The following FBXL7 variants were observed in gnomAD, a reference collection of about 807,000 sequenced individuals.
FBXL7 encodes F-box and leucine rich repeat protein 7.
Under a neutral mutation model 38.3 loss-of-function variants are expected in FBXL7, and 12 were observed. The observed-to-expected ratio is 0.31, with a 90% CI of 0.20 to 0.51. The LOEUF is 0.51. FBXL7 is among the 20% of genes least tolerant of loss of function. The pLI is 0.98. For synonymous variants in FBXL7, 297 were observed against 300.9 expected (o/e 0.99, Z 0.13); for missense variants, 567 against 676.4 (o/e 0.84, Z 1.79).
At chr5:15,810,724 CTTTTA>C (rs1330059028) in intron 2 of FBXL7, among the ~76,000 whole-genome samples, 1 of 152,030 alleles carries the variant, frequency 6.6e-6, no homozygotes, top group African/African-American at 2.4e-5. Context: ...CCATATTTTT[CTTTTA>C]TAATACTTAC....
intron 2 of FBXL7, among the ~76,000 whole-genome samples, chr5:15,808,275 T>G (rs1221116582): frequency 6.6e-6 from 1 of 152,170 alleles, no homozygotes; most frequent in Non-Finnish European, 1.5e-5. Flanking sequence ...CACAGATCTC[T>G]TGTAGGTCAA....
In FBXL7 at chr5:15,674,438, T is replaced by C. The variant is rs144197212; in HGVS notation, c.127+58366T>C. ...AAAGGCACTGATAGCAATGACCATA[T>C]TGAGAAAAGGTCTGCAGAGATAGTT... On this transcript the variant is annotated intron_variant, in intron 2 of 3. Coordinates refer to ENST00000504595, the MANE Select transcript of FBXL7 (RefSeq NM_012304.5). Among the ~76,000 whole-genome samples, 5 of 152,308 alleles carry C rather than the reference T, an allele frequency of 3.3e-5. No homozygotes were observed. The East Asian group carries it at 9.7e-4, about 29-fold the overall frequency.
chr5:15,858,319 C>T (rs2085357327), intron 2 of FBXL7, among the ~76,000 whole-genome samples: 1 of 151,660 alleles, frequency 6.6e-6, no homozygotes, highest in Admixed American at 6.6e-5. Context: ...CCATAAATGA[C>T]ACATCAGCAT....
intron 2 of FBXL7, among the ~76,000 whole-genome samples, chr5:15,764,513 A>G (rs1199185528): frequency 6.6e-6 from 1 of 152,162 alleles, no homozygotes; most frequent in Admixed American, 6.5e-5. Flanking sequence ...AGGATCCATA[A>G]AGGTTAGCGT....
intron 1 of FBXL7, among the ~76,000 whole-genome samples, chr5:15,537,615 C>A (rs1269801835): frequency 6.6e-6 from 1 of 152,236 alleles, no homozygotes; most frequent in Non-Finnish European, 1.5e-5. Flanking sequence ...AAGGCTCCAA[C>A]AGGACAAATT....
At chr5:15,914,663 A>G (rs1043136990) in intron 2 of FBXL7, among the ~76,000 whole-genome samples, 9 of 152,370 alleles carry the variant, frequency 5.9e-5, no homozygotes, top group African/African-American at 1.2e-4. Context: ...AAATGTTCCA[A>G]CTTCTTCAAT....
intron 2 of FBXL7, among the ~76,000 whole-genome samples, chr5:15,656,583 G>A (rs1053374253): frequency 1.3e-5 from 2 of 151,900 alleles, no homozygotes; most frequent in African/African-American, 2.4e-5. Context: ...TCTCCCACCC[G>A]GTCCCTCCCA....
At chr5:15,797,220 G>A (rs1323355167) in intron 2 of FBXL7, among the ~76,000 whole-genome samples, 1 of 152,132 alleles carries the variant, frequency 6.6e-6, no homozygotes, top group Non-Finnish European at 1.5e-5. Flanking sequence ...ACAAGACTAG[G>A]GTGACCAATA....
intron 2 of FBXL7, among the ~76,000 whole-genome samples, chr5:15,796,979 T>C (rs1737432297): frequency 2.0e-5 from 3 of 152,210 alleles, no homozygotes; most frequent in Admixed American, 2.0e-4. Context: ...CAAGTGGTAG[T>C]TGAAGGGACT....
chr5:15,819,417 A>G (rs1031706773), intron 2 of FBXL7, among the ~76,000 whole-genome samples: 4 of 152,184 alleles, frequency 2.6e-5, no homozygotes, highest in Non-Finnish European at 5.9e-5. Flanking sequence ...GGATGTTTGG[A>G]AATCTAAACT....
intron 2 of FBXL7, among the ~76,000 whole-genome samples, chr5:15,817,256 A>G (rs1738043167): frequency 1.3e-5 from 2 of 152,152 alleles, no homozygotes; most frequent in Non-Finnish European, 2.9e-5. Context: ...AGGACAAACA[A>G]TGCAGTGGAA....
Position 15,928,099 on chromosome 5 carries a change from A to C in FBXL7, c.337A>C (p.Ser113Arg), listed in dbSNP as rs1461811545. ...LASRPQKEQA[S>R]IDRLPDHSMV... ...CTCCAGACCCCAGAAGGAGCAGGCC[A>C]GCATAGACCGGCTCCCGGACCACTC... Residue 113 changes from serine to arginine, a missense_variant, in exon 3 of 4, where the codon AGC becomes CGC. Ser to Arg is a moderately radical substitution (Grantham distance 110). Transcript: ENST00000504595. This position sits in a 1 kb window ranked among gnomAD's most constrained non-coding sequence, Gnocchi z 4.0. 1 of 1,532,796 alleles carries C rather than the reference A, an allele frequency of 6.5e-7. No homozygotes were observed. Among genetic ancestry groups the C allele is most frequent in the African/African-American group, 1.4e-5 (1 of 70,170 alleles). The allele number at this position is 1,532,796 out of a possible 1,614,324, so 94.9% of individuals were successfully genotyped here.
In FBXL7 at chr5:15,882,831, C is replaced by T. The variant is rs569106636; in HGVS notation, c.128-45059C>T. The stretch of plus-strand genomic sequence containing the variant: ...GCAATCATATGAGTGTGGGATCACC[C>T]GATGAGATAGTTCTTTTAAGGCCTA... On this transcript the variant is annotated intron_variant, in intron 2 of 3. Coordinates refer to ENST00000504595, the MANE Select transcript of FBXL7 (RefSeq NM_012304.5). Among the ~76,000 whole-genome samples the T allele has an allele frequency of 7.2e-5, 11 of 152,148 alleles. No individual in the cohort carries two copies. The South Asian group carries it at 1.0e-3, about 14-fold the overall frequency.
At chr5:15,558,639 A>T (rs1359405919) in intron 1 of FBXL7, among the ~76,000 whole-genome samples, 2 of 152,246 alleles carry the variant, frequency 1.3e-5, no homozygotes, top group Non-Finnish European at 2.9e-5. Flanking sequence ...GCGCTTCAAA[A>T]TCCAAGCAAT....
At chr5:15,775,038 A>T in intron 2 of FBXL7, among the ~76,000 whole-genome samples, 1 of 152,180 alleles carries the variant, frequency 6.6e-6, no homozygotes, top group Admixed American at 6.5e-5. Context: ...GAAAACAGAA[A>T]ACATTTCTGA....
chr5:15,897,021 C>T (rs1202717954), intron 2 of FBXL7, among the ~76,000 whole-genome samples: 1 of 152,164 alleles, frequency 6.6e-6, no homozygotes, highest in Non-Finnish European at 1.5e-5. Flanking sequence ...GTAATCCCAG[C>T]TGCTCTGGAG....
At chr5:15,658,355 C>T (rs1741946022) in intron 2 of FBXL7, among the ~76,000 whole-genome samples, 1 of 152,164 alleles carries the variant, frequency 6.6e-6, no homozygotes, top group Non-Finnish European at 1.5e-5. Flanking sequence ...CACCAAATCT[C>T]ATCTTGAATT....
chr5:15,745,577 G>C (rs1243133235), intron 2 of FBXL7, among the ~76,000 whole-genome samples: 1 of 152,174 alleles, frequency 6.6e-6, no homozygotes, highest in Non-Finnish European at 1.5e-5. Flanking sequence ...AGTGCTGCAT[G>C]AAAAAGTTTC....
chr5:15,812,598 T>C (rs1353210918), intron 2 of FBXL7, among the ~76,000 whole-genome samples: 1 of 152,214 alleles, frequency 6.6e-6, no homozygotes, highest in African/African-American at 2.4e-5. Context: ...TGCTTAGGAT[T>C]GTCCTGGCTA....
Sources: gnomAD v4.1 joint callset for allele counts (sites outside exome capture counted in the v4.1 genomes callset) on GRCh38, gnomAD v4.1.1 for gene constraint, Gnocchi (gnomAD v3.1) non-coding constraint, MANE v1.5 for transcripts, NCBI Gene and HGNC (gene_info 2026-07-23, HGNC 2026-07-21) for gene names.